The following CA5A variants were observed in gnomAD, a reference collection of about 807,000 sequenced individuals.
The protein encoded by CA5A is carbonic anhydrase 5A.
In CA5A, 28 loss-of-function variants were observed where a neutral mutation model predicts 37.1. The ratio of observed to expected loss-of-function variants is 0.75; its 90% CI spans 0.56 to 1.03. The LOEUF is 1.03. Among genes scored for constraint, CA5A ranks in the 50% least tolerant of loss-of-function variants. CA5A has a pLI of 0.00. For missense variants in CA5A, 444 were observed against 399.9 expected (o/e 1.11, Z -0.94); for synonymous variants, 171 against 158.4 (o/e 1.08, Z -0.60).
chr16:87,895,625 C>G (rs909762180), intron 5 of CA5A, among the ~76,000 whole-genome samples: 1 of 152,154 alleles, frequency 6.6e-6, no homozygotes, highest in African/African-American at 2.4e-5. Context: ...GGTATATTCA[C>G]AGTTGTGCAG....
At chr16:87,895,710 G>A (rs560598919) in intron 5 of CA5A, among the ~76,000 whole-genome samples, 12 of 146,170 alleles carry the variant, frequency 8.2e-5, no homozygotes, top group African/African-American at 2.8e-4. Flanking sequence ...CCCCACCCCC[G>A]CCCTGCTGCT....
chr16:87,936,163 C>T lies in CA5A; in HGVS notation c.142+146G>A, dbSNP rs904793626. On this transcript the variant is annotated intron_variant, in intron 1 of 6. Coordinates refer to ENST00000649794, the MANE Select transcript of CA5A (RefSeq NM_001739.2). ...CTCCAGCCTGGGCCACAGAGCGAGA[C>T]GCCATCTTAAAAAAAAAAAAAAAAA... The T allele has an allele frequency of 6.0e-5, 35 of 584,518 alleles. No homozygotes were observed. The Admixed American group carries it at 7.0e-4, about 12-fold the overall frequency. 36.2% of individuals were successfully genotyped at this position (584,518 alleles called of 1,614,324 possible).
intron 5 of CA5A, chr16:87,892,400 C>G (rs190442751): frequency 0.024 from 3,699 of 151,534 alleles, 43 homozygotes; most frequent in African/African-American, 0.038. Flanking sequence ...GTCCCAGCTA[C>G]TCAGGAGGCT....
At chr16:87,922,031 C>G (rs1340754456) in intron 2 of CA5A, among the ~76,000 whole-genome samples, 1 of 152,062 alleles carries the variant, frequency 6.6e-6, no homozygotes. Flanking sequence ...CCACGTCCAG[C>G]TAATTCTTTT....
At chr16:87,923,509 T>TC in intron 2 of CA5A, 3 of 980,570 alleles carry the variant, frequency 3.1e-6, no homozygotes, top group Non-Finnish European at 3.6e-6. Context: ...TTAAAGGGGG[T>TC]CTGTCCACAT....
chr16:87,901,592 C>CTTTTCTTTTTT (rs56688337), intron 5 of CA5A, among the ~76,000 whole-genome samples: 1 of 145,702 alleles, frequency 6.9e-6, no homozygotes, highest in African/African-American at 2.5e-5. Flanking sequence ...CTTTTCTTTT[C>CTTTTCTTTTTT]TTTTTTTTTT....
intron 2 of CA5A, among the ~76,000 whole-genome samples, chr16:87,908,822 TTTC>T (rs1188265577): frequency 4.6e-5 from 7 of 151,966 alleles, no homozygotes; most frequent in Admixed American, 1.3e-4. Context: ...TCTTCTGCTT[TTTC>T]TTCTTTTTGA....
intron 2 of CA5A, among the ~76,000 whole-genome samples, chr16:87,925,945 G>A (rs538252066): frequency 1.1e-4 from 17 of 152,312 alleles, no homozygotes; most frequent in African/African-American, 3.1e-4. Context: ...AGCGAGGGCC[G>A]GGCGCGGTGG....
At position 87,929,765 on chromosome 16, in the gene CA5A, G is replaced by A. The variant is rs376088425; in HGVS notation, c.143-2820C>T. Among the ~76,000 whole-genome samples the A allele has an allele frequency of 6.9e-4, 104 of 151,074 alleles. No individual in the cohort carries two copies. The East Asian group carries it at 0.011, about 16-fold the overall frequency. ...CGGGCGCCTGTAGTCCCAGCTACTC[G>A]GGAGGCTGAGGCAGCAGAATGGCGT... On this transcript the variant is annotated intron_variant, in intron 1 of 6. Coordinates refer to ENST00000649794, the MANE Select transcript of CA5A (RefSeq NM_001739.2).
At chr16:87,927,588 A>G (rs1040768740) in intron 1 of CA5A, among the ~76,000 whole-genome samples, 1 of 152,204 alleles carries the variant, frequency 6.6e-6, no homozygotes, top group Non-Finnish European at 1.5e-5. Flanking sequence ...GAGGTCAGGA[A>G]CAGTGGCTCA....
chr16:87,918,921 C>A (rs560959333), intron 2 of CA5A, among the ~76,000 whole-genome samples: 10 of 152,084 alleles, frequency 6.6e-5, no homozygotes, highest in Non-Finnish European at 1.2e-4. Flanking sequence ...ACCGGGAGCA[C>A]GTGAAGCTGA....
At chr16:87,898,377 C>T (rs908687521) in intron 5 of CA5A, among the ~76,000 whole-genome samples, 1 of 152,198 alleles carries the variant, frequency 6.6e-6, no homozygotes. Context: ...GCCACCATGG[C>T]CCTGTCCTGC....
intron 1 of CA5A, among the ~76,000 whole-genome samples, chr16:87,932,547 C>T (rs2056421870): frequency 1.3e-5 from 2 of 152,214 alleles, no homozygotes; most frequent in African/African-American, 4.8e-5. Context: ...TGGTGCCCAG[C>T]AACGTAGGTT....
rs2056051916 is a variant in CA5A, at chr16:87,911,484, T to C, written c.341-6580A>G. ...GCACGGGTTGTTTGAAGGCTTAAAA[T>C]TAGTACACGAGAAGTTTGAGATGTT... On this transcript the variant is annotated intron_variant, in intron 2 of 6. Coordinates refer to ENST00000649794, the MANE Select transcript of CA5A (RefSeq NM_001739.2). The surrounding 1 kb of genome is among the most constrained non-coding windows in gnomAD (Gnocchi z 4.6). 6.6e-6 allele frequency among the ~76,000 whole-genome samples: 1 copy of C among 152,180 alleles called. No homozygotes were observed. The highest frequency in any genetic ancestry group is 2.4e-5 in the African/African-American group (1 of 41,450).
intron 5 of CA5A, among the ~76,000 whole-genome samples, chr16:87,897,576 A>G (rs1396962028): frequency 6.6e-6 from 1 of 152,208 alleles, no homozygotes. Context: ...GGTTACAGAC[A>G]CTGCCTGTGT....
chr16:87,917,724 C>T (rs1337637766), intron 2 of CA5A, among the ~76,000 whole-genome samples: 66 of 74,782 alleles, frequency 8.8e-4, no homozygotes, highest in African/African-American at 2.6e-3. Flanking sequence ...TGAACACGTG[C>T]ACACACACAT....
chr16:87,901,474 G>A (rs1160872755), intron 5 of CA5A, among the ~76,000 whole-genome samples: 2 of 152,218 alleles, frequency 1.3e-5, no homozygotes, highest in East Asian at 1.9e-4. Context: ...TTCCAGAACT[G>A]GAACCACAGC....
intron 5 of CA5A, among the ~76,000 whole-genome samples, chr16:87,897,138 G>A (rs2055814686): frequency 6.6e-6 from 1 of 152,242 alleles, no homozygotes; most frequent in African/African-American, 2.4e-5. Context: ...CGCTGCTGCT[G>A]CCAAAGCTAG....
chr16:87,894,290 G>C (rs1484555426), intron 5 of CA5A, among the ~76,000 whole-genome samples: 2 of 152,174 alleles, frequency 1.3e-5, no homozygotes, highest in Middle Eastern at 3.4e-3. Flanking sequence ...GGCCAGCACT[G>C]TGGGACAAGA....
Sources: allele counts gnomAD v4.1 joint callset (sites outside exome capture counted in the v4.1 genomes callset), GRCh38; gene constraint gnomAD v4.1.1; non-coding constraint Gnocchi (gnomAD v3.1); transcripts MANE v1.5; gene names NCBI Gene and HGNC (gene_info 2026-07-23, HGNC 2026-07-21).